Variants in SOX5 observed in about 807,000 individuals in gnomAD.
SOX5 encodes the protein transcription factor SOX-5.
SOX5 carries 9 observed loss-of-function variants against 92.0 expected under a neutral mutation model. The ratio of observed to expected loss-of-function variants is 0.10; its 90% CI spans 0.06 to 0.17. The LOEUF (loss-of-function observed/expected upper bound fraction) is 0.17. Among genes scored for constraint, SOX5 ranks in the 10% least tolerant of loss-of-function variants. SOX5 has a pLI of 1.00. For synonymous variants in SOX5, 344 were observed against 336.3 expected, an observed-to-expected ratio of 1.02 and a Z score of -0.25; for missense variants, 642 against 944.5, an observed-to-expected ratio of 0.68 and a Z score of 4.20.
chr12:24,549,966 A>G (rs1177246962), intron 1 of SOX5, among the ~76,000 whole-genome samples: 1 of 152,174 alleles, frequency 6.6e-6, no homozygotes, highest in Non-Finnish European at 1.5e-5. Flanking sequence ...AAATGCAAGC[A>G]TCATTTTGAG....
chr12:23,939,343 G>A (rs149293745), intron 1 of SOX5, among the ~76,000 whole-genome samples: 89 of 151,052 alleles, frequency 5.9e-4, no homozygotes, highest in African/African-American at 2.0e-3. Context: ...AGTTCTAAAT[G>A]TAGTGCTGGT....
chr12:24,364,541 T>TATATATATATAC (rs1555253836), intron 2 of SOX5, among the ~76,000 whole-genome samples: 1 of 140,396 alleles, frequency 7.1e-6, no homozygotes, highest in East Asian at 2.3e-4. Flanking sequence ...TATATATATA[T>TATATATATATAC]ATACACGAAT....
chr12:24,233,350 T>C (rs943650209), intron 3 of SOX5, among the ~76,000 whole-genome samples: 3 of 152,066 alleles, frequency 2.0e-5, no homozygotes, highest in African/African-American at 7.2e-5. Context: ...TGTAGATGAT[T>C]ATGAAGACGA....
intron 4 of SOX5, among the ~76,000 whole-genome samples, chr12:24,144,528 A>C (rs1394017012): frequency 1.3e-5 from 2 of 152,204 alleles, no homozygotes; most frequent in Non-Finnish European, 2.9e-5. Context: ...CAGAAAAGCC[A>C]AGTACAGCAG....
intron 9 of SOX5, among the ~76,000 whole-genome samples, chr12:23,579,004 T>C (rs1329075821): frequency 1.3e-5 from 2 of 151,152 alleles, no homozygotes; most frequent in African/African-American, 2.4e-5. Context: ...ATTCCCAGAG[T>C]TGGAACAGGG....
At chr12:23,965,041 A>C (rs1488275012) in intron 4 of SOX5, among the ~76,000 whole-genome samples, 2 of 152,214 alleles carry the variant, frequency 1.3e-5, no homozygotes, top group Non-Finnish European at 2.9e-5. Context: ...GCGCGTGGTC[A>C]GCTCCCAGCA....
intron 1 of SOX5, among the ~76,000 whole-genome samples, chr12:24,470,981 G>A (rs2137634362): frequency 6.6e-6 from 1 of 152,270 alleles, no homozygotes; most frequent in East Asian, 1.9e-4. Context: ...TAACTTTCAT[G>A]AAGCATTTTG....
intron 4 of SOX5, among the ~76,000 whole-genome samples, chr12:24,053,277 A>G (rs1443096335): frequency 1.4e-5 from 2 of 147,172 alleles, no homozygotes; most frequent in Non-Finnish European, 3.0e-5. Context: ...ACAGGGGCCC[A>G]CCACCACACT....
intron 3 of SOX5, among the ~76,000 whole-genome samples, chr12:24,256,153 C>T (rs953454311): frequency 2.0e-5 from 3 of 152,088 alleles, no homozygotes; most frequent in African/African-American, 7.2e-5. Flanking sequence ...TTGGGAAGCC[C>T]GAGATGTGTG....
chr12:24,403,142 C>A (rs1233143296), intron 1 of SOX5, among the ~76,000 whole-genome samples: 1 of 152,188 alleles, frequency 6.6e-6, no homozygotes, highest in Non-Finnish European at 1.5e-5. Flanking sequence ...AGCAGATGTT[C>A]TTTCTTCCCT....
At chr12:24,481,147 G>A (rs528984244) in intron 1 of SOX5, among the ~76,000 whole-genome samples, 225 of 152,210 alleles carry the variant, frequency 1.5e-3, no homozygotes, top group African/African-American at 5.3e-3. Context: ...AGTAAAATAA[G>A]CCAGGCACAG....
chr12:23,734,190 C>G (rs987419682), intron 6 of SOX5, among the ~76,000 whole-genome samples: 4 of 152,180 alleles, frequency 2.6e-5, no homozygotes, highest in African/African-American at 9.7e-5. Flanking sequence ...CCACAGCCTT[C>G]AGGCTTGTTT....
At chr12:24,524,856 G>GA (rs1182482545) in intron 1 of SOX5, among the ~76,000 whole-genome samples, 3 of 151,688 alleles carry the variant, frequency 2.0e-5, no homozygotes, top group South Asian at 2.1e-4. Flanking sequence ...ATCTCTAAAA[G>GA]AAAAAAAATA....
chr12:24,503,826 G>T (rs984181881), intron 1 of SOX5, among the ~76,000 whole-genome samples: 4 of 152,118 alleles, frequency 2.6e-5, no homozygotes, highest in African/African-American at 9.7e-5. Flanking sequence ...GCCTGTCAGG[G>T]GTTGGTGGGT....
chr12:23,990,269 G>A (rs1392477270), intron 4 of SOX5, among the ~76,000 whole-genome samples: 2 of 152,056 alleles, frequency 1.3e-5, no homozygotes, highest in Non-Finnish European at 2.9e-5. Flanking sequence ...ATGAAAAATG[G>A]ATCACAGAAT....
At chr12:24,164,554 C>T (rs900656785) in intron 4 of SOX5, among the ~76,000 whole-genome samples, 1 of 151,998 alleles carries the variant, frequency 6.6e-6, no homozygotes, top group African/African-American at 2.4e-5. Flanking sequence ...GTCCCAGTTG[C>T]TAATCACTCT....
intron 2 of SOX5, among the ~76,000 whole-genome samples, chr12:24,284,637 C>A (rs1443874909): frequency 1.3e-5 from 2 of 152,182 alleles, no homozygotes; most frequent in African/African-American, 4.8e-5. Context: ...GCAGACTCTT[C>A]TTGGTCTACC....
chr12:23,694,776 C>A (rs904323415), intron 6 of SOX5, among the ~76,000 whole-genome samples: 2 of 151,966 alleles, frequency 1.3e-5, no homozygotes, highest in Admixed American at 6.6e-5. Flanking sequence ...GGAAAAATAT[C>A]GTATATGATA....
chr12:24,554,035 T>C (rs1953493922), intron 1 of SOX5, among the ~76,000 whole-genome samples: 1 of 152,172 alleles, frequency 6.6e-6, no homozygotes, highest in Admixed American at 6.5e-5. Context: ...CAAAAGCAGT[T>C]CCCAGTGCAA....
Sources: allele counts gnomAD v4.1 joint callset (sites outside exome capture counted in the v4.1 genomes callset), GRCh38; gene constraint gnomAD v4.1.1; transcripts MANE v1.5; gene names NCBI Gene and HGNC (gene_info 2026-07-23, HGNC 2026-07-21).